Variants in ATF7IP2 observed in about 807,000 individuals in gnomAD.
ATF7IP2 encodes activating transcription factor 7 interacting protein 2.
In ATF7IP2, 42 loss-of-function variants were observed where a neutral mutation model predicts 64.2. That is an observed-to-expected ratio of 0.65 (90% CI 0.51 to 0.85). ATF7IP2 has a LOEUF of 0.85. ATF7IP2 is among the 40% of genes least tolerant of loss of function. ATF7IP2 has a pLI of 0.00. For synonymous variants in ATF7IP2, 308 were observed against 272.8 expected (o/e 1.13, Z -1.27); for missense variants, 933 against 784.2 (o/e 1.19, Z -2.27).
rs561375127 is a variant in ATF7IP2 at position 10,403,045 on chromosome 16, A to G, written c.-241-11529A>G. On this transcript the variant is annotated intron_variant, in intron 1 of 13. Coordinates refer to ENST00000562102, the MANE Select transcript of ATF7IP2 (RefSeq NM_001393719.1). ...TTCATTTGGTTTAAAGTTCAATTTC[A>G]GTCCAATATTTGATTTTTCTGTTTC... 2.1e-3 allele frequency among the ~76,000 whole-genome samples: 323 copies of G among 152,276 alleles called. 2 individuals are homozygous for G. The highest frequency in any genetic ancestry group is 7.5e-3 in the African/African-American group (313 of 41,558).
intron 11 of ATF7IP2, 65 bp from the exon 12 acceptor site, chr16:10,473,858 A>AAAT (rs2049898989): frequency 9.3e-7 from 1 of 1,078,472 alleles, no homozygotes; most frequent in African/African-American, 1.7e-5. Flanking sequence ...AAATGGTTTT[A>AAAT]AATTTTTAAA....
At chr16:10,477,398 C>G (rs951758002) in intron 12 of ATF7IP2, among the ~76,000 whole-genome samples, 2 of 152,150 alleles carry the variant, frequency 1.3e-5, no homozygotes, top group African/African-American at 4.8e-5. Context: ...TCAATAGATG[C>G]AGAAAAGGCC....
chr16:10,426,475 G>A (rs960535159), intron 3 of ATF7IP2, among the ~76,000 whole-genome samples: 18 of 152,168 alleles, frequency 1.2e-4, no homozygotes, highest in Admixed American at 5.2e-4. Context: ...CCTCAGAGCC[G>A]GAAGTTTAAC....
chr16:10,405,305 G>C (rs1026853313), intron 1 of ATF7IP2, among the ~76,000 whole-genome samples: 2 of 151,712 alleles, frequency 1.3e-5, no homozygotes, highest in Admixed American at 6.6e-5. Context: ...AGGAGGCGGA[G>C]GTTGCAGTGA....
At chr16:10,426,796 T>C (rs2048094403) in intron 3 of ATF7IP2, among the ~76,000 whole-genome samples, 1 of 152,120 alleles carries the variant, frequency 6.6e-6, no homozygotes, top group South Asian at 2.1e-4. Context: ...ATAAGATACC[T>C]GTAACTCATA....
chr16:10,392,868 TCCCTGCTA>T (rs951625444), intron 1 of ATF7IP2, among the ~76,000 whole-genome samples: 2 of 150,964 alleles, frequency 1.3e-5, no homozygotes, highest in African/African-American at 4.9e-5. Flanking sequence ...GCCCCTGATG[TCCCTGCTA>T]CTTGAAGGGT....
At chr16:10,472,886 C>T (rs927304480) in intron 10 of ATF7IP2, among the ~76,000 whole-genome samples, 7 of 151,474 alleles carry the variant, frequency 4.6e-5, no homozygotes, top group African/African-American at 1.7e-4. Context: ...TTTAACCTTA[C>T]ATTTCCAATG....
At chr16:10,444,638 G>T (rs1460024062) in intron 8 of ATF7IP2, among the ~76,000 whole-genome samples, 2 of 152,180 alleles carry the variant, frequency 1.3e-5, no homozygotes, top group Admixed American at 6.5e-5. Flanking sequence ...GGGCAATGGG[G>T]AGACACTTGG....
chr16:10,421,644 C>T (rs1437902482), intron 3 of ATF7IP2, among the ~76,000 whole-genome samples: 2 of 152,182 alleles, frequency 1.3e-5, no homozygotes, highest in Non-Finnish European at 2.9e-5. Context: ...ATTAAACCAG[C>T]ACAAGAAATC....
At chr16:10,471,161 T>TAAAC (rs1021377261) in intron 9 of ATF7IP2, among the ~76,000 whole-genome samples, 1 of 151,956 alleles carries the variant, frequency 6.6e-6, no homozygotes, top group African/African-American at 2.4e-5. Context: ...CTTCATACCA[T>TAAAC]AAACAAAAAT....
intron 1 of ATF7IP2, among the ~76,000 whole-genome samples, chr16:10,406,441 G>T (rs1329792536): frequency 2.6e-5 from 4 of 152,032 alleles, no homozygotes; most frequent in African/African-American, 9.7e-5. Flanking sequence ...GCATCTTAAA[G>T]AACTAGAAAA....
At chr16:10,452,223 CT>C (rs1481420993) in intron 8 of ATF7IP2, among the ~76,000 whole-genome samples, 1 of 152,174 alleles carries the variant, frequency 6.6e-6, no homozygotes, top group Non-Finnish European at 1.5e-5. Flanking sequence ...AATTTTCAGC[CT>C]TTTTGGGCTG....
At chr16:10,439,602 A>G (rs62025943) in intron 7 of ATF7IP2, among the ~76,000 whole-genome samples, 105,203 of 139,360 alleles carry the variant, frequency 0.75, 39,868 homozygotes, top group East Asian at 0.86. Flanking sequence ...GTGTGATCTC[A>G]GCTCACTGCA....
chr16:10,408,851 C>T (rs1567432481), intron 1 of ATF7IP2, among the ~76,000 whole-genome samples: 2 of 152,194 alleles, frequency 1.3e-5, no homozygotes, highest in Non-Finnish European at 1.5e-5. Flanking sequence ...TAATTAAGTC[C>T]TGCCTATTCA....
At chr16:10,389,231 AAGAT>A (rs1441141666) in intron 1 of ATF7IP2, among the ~76,000 whole-genome samples, 1 of 152,172 alleles carries the variant, frequency 6.6e-6, no homozygotes, top group African/African-American at 2.4e-5. Flanking sequence ...CTGTGAAAGA[AAGAT>A]AGTGTAGTCA....
At chr16:10,441,948 C>A (rs1263560509) in intron 8 of ATF7IP2, among the ~76,000 whole-genome samples, 1 of 152,218 alleles carries the variant, frequency 6.6e-6, no homozygotes, top group Non-Finnish European at 1.5e-5. Context: ...CTGCCTGCAT[C>A]AGTCATGATC....
Position 10,400,105 on chromosome 16 carries a change from A to G in ATF7IP2, c.-242+13983A>G, listed in dbSNP as rs560214308. 1.4e-4 allele frequency among the ~76,000 whole-genome samples: 21 copies of G among 152,294 alleles called. No homozygotes were observed. The East Asian group carries it at 3.7e-3, about 27-fold the overall frequency. On this transcript the variant is annotated intron_variant, in intron 1 of 13. Coordinates refer to ENST00000562102, the MANE Select transcript of ATF7IP2 (RefSeq NM_001393719.1). ...AGCCAGGCTGGAGTACAGCGGCACA[A>G]TCTCGGCCCACTGCAACTTCCATCG... is the stretch of plus-strand genomic sequence containing the variant.
intron 8 of ATF7IP2, chr16:10,445,634 A>G (rs1596535771): frequency 6.6e-6 from 1 of 152,400 alleles, no homozygotes. Context: ...CCTCCCAAGT[A>G]GCTGGAATTA....
At chr16:10,421,400 C>T (rs2047986053) in intron 3 of ATF7IP2, among the ~76,000 whole-genome samples, 1 of 152,154 alleles carries the variant, frequency 6.6e-6, no homozygotes, top group Non-Finnish European at 1.5e-5. Context: ...TTGCTGAGGG[C>T]TATTGCGACT....
Sources: gnomAD v4.1 joint callset for allele counts (sites outside exome capture counted in the v4.1 genomes callset) on GRCh38, gnomAD v4.1.1 for gene constraint, MANE v1.5 for transcripts, NCBI Gene and HGNC (gene_info 2026-07-23, HGNC 2026-07-21) for gene names.